The following TSPAN5 variants were observed in gnomAD, a reference collection of about 807,000 sequenced individuals.
TSPAN5 encodes tetraspanin-5.
TSPAN5 carries 10 observed loss-of-function variants against 37.1 expected under a neutral mutation model. That is an observed-to-expected ratio of 0.27 (90% confidence interval 0.17 to 0.46). TSPAN5 has a LOEUF of 0.46. Among genes scored for constraint, TSPAN5 ranks in the 20% least tolerant of loss-of-function variants. The pLI, the probability that TSPAN5 is intolerant of heterozygous loss-of-function variation, is 1.00. For missense variants in TSPAN5, 195 were observed against 326.6 expected (o/e 0.60, Z 3.11); for synonymous variants, 110 against 118.9 (o/e 0.93, Z 0.48).
At chr4:98,645,197 T>C (rs1425916546) in intron 1 of TSPAN5, among the ~76,000 whole-genome samples, 2 of 152,188 alleles carry the variant, frequency 1.3e-5, no homozygotes, top group African/African-American at 4.8e-5. Context: ...CTTGCTACAC[T>C]TGTTAACCTC....
intron 1 of TSPAN5, among the ~76,000 whole-genome samples, chr4:98,578,195 C>A (rs1755286894): frequency 6.6e-6 from 1 of 152,184 alleles, no homozygotes; most frequent in Admixed American, 6.5e-5. Flanking sequence ...AGAACCTCCC[C>A]TTGAGACATG....
intron 2 of TSPAN5, among the ~76,000 whole-genome samples, chr4:98,495,965 T>G (rs1753202518): frequency 6.6e-6 from 1 of 152,186 alleles, no homozygotes; most frequent in Non-Finnish European, 1.5e-5. Context: ...ATGAAATGTG[T>G]ACCCAAAGCT....
At chr4:98,509,521 A>G (rs1208248066) in intron 1 of TSPAN5, among the ~76,000 whole-genome samples, 1 of 152,208 alleles carries the variant, frequency 6.6e-6, no homozygotes, top group Admixed American at 6.5e-5. Flanking sequence ...AACACACAAT[A>G]CATTCTGAGC....
rs1757330637 is a variant in TSPAN5, at chr4:98,658,141, C to T, written c.81+5G>A. The T allele has an allele frequency of 6.2e-7, 1 of 1,612,986 alleles. No individual in the cohort carries two copies. Among genetic ancestry groups the T allele is most frequent in the South Asian group, 1.1e-5 (1 of 91,066 alleles). ...AGTTGGAATCCCAGGAGCGCTCCAACTTACCCAAAATATGACATTGAAGCC... is the reference window on the plus strand; with the variant it reads ...AGTTGGAATCCCAGGAGCGCTCCAATTTACCCAAAATATGACATTGAAGCC... On this transcript the variant is annotated splice_donor_5th_base_variant and intron_variant, in intron 1 of 7. Coordinates refer to ENST00000305798, the MANE Select transcript of TSPAN5 (RefSeq NM_005723.4).
At chr4:98,490,100 A>T (rs1753053164) in intron 2 of TSPAN5, among the ~76,000 whole-genome samples, 1 of 152,104 alleles carries the variant, frequency 6.6e-6, no homozygotes, top group African/African-American at 2.4e-5. Flanking sequence ...CCGTTCTATG[A>T]TTTCATCCAT....
chr4:98,649,277 C>T (rs1318586649), intron 1 of TSPAN5, among the ~76,000 whole-genome samples: 1 of 152,034 alleles, frequency 6.6e-6, no homozygotes, highest in Non-Finnish European at 1.5e-5. Flanking sequence ...CAGCACAGAC[C>T]CACCCACCCA....
At chr4:98,510,973 C>A (rs185155778) in intron 1 of TSPAN5, among the ~76,000 whole-genome samples, 4 of 152,172 alleles carry the variant, frequency 2.6e-5, no homozygotes, top group Non-Finnish European at 4.4e-5. Flanking sequence ...ACTTGAGGCA[C>A]ATTCAGTTTC....
intron 1 of TSPAN5, among the ~76,000 whole-genome samples, chr4:98,588,302 T>A (rs11940430): frequency 0.72 from 110,077 of 151,904 alleles, 40,387 homozygotes; most frequent in African/African-American, 0.84. Flanking sequence ...GGGTGGCCAG[T>A]AACAGAGACC....
intron 1 of TSPAN5, among the ~76,000 whole-genome samples, chr4:98,556,721 A>G (rs1754759378): frequency 6.6e-6 from 1 of 152,226 alleles, no homozygotes; most frequent in Admixed American, 6.5e-5. Context: ...ATGAAACTGA[A>G]AAAGTTTCTA....
At chr4:98,523,293 C>T (rs1034783756) in intron 1 of TSPAN5, among the ~76,000 whole-genome samples, 4 of 152,144 alleles carry the variant, frequency 2.6e-5, no homozygotes, top group African/African-American at 9.7e-5. Context: ...GGTTTAAAGA[C>T]ATCCATAACT....
At chr4:98,539,421 C>T (rs1560528995) in intron 1 of TSPAN5, among the ~76,000 whole-genome samples, 1 of 152,146 alleles carries the variant, frequency 6.6e-6, no homozygotes, top group African/African-American at 2.4e-5. Flanking sequence ...CCACATGCTT[C>T]TATCCACTCT....
chr4:98,611,620 C>T (rs1306656072), intron 1 of TSPAN5, among the ~76,000 whole-genome samples: 2 of 152,176 alleles, frequency 1.3e-5, no homozygotes, highest in Admixed American at 1.3e-4. Context: ...TAATAACACA[C>T]CAGGGGAGAA....
At chr4:98,605,447 T>C (rs1756010972) in intron 1 of TSPAN5, among the ~76,000 whole-genome samples, 1 of 152,136 alleles carries the variant, frequency 6.6e-6, no homozygotes, top group Non-Finnish European at 1.5e-5. Flanking sequence ...AGCAGAGACA[T>C]ACCTCTGCCC....
chr4:98,614,963 T>C (rs1329760226), intron 1 of TSPAN5, among the ~76,000 whole-genome samples: 1 of 152,168 alleles, frequency 6.6e-6, no homozygotes, highest in Non-Finnish European at 1.5e-5. Flanking sequence ...GCCAACAACA[T>C]AGGGCAACAT....
chr4:98,480,059 AC>A (rs1333923412), intron 4 of TSPAN5, among the ~76,000 whole-genome samples: 1 of 152,108 alleles, frequency 6.6e-6, no homozygotes, highest in African/African-American at 2.4e-5. Context: ...ACCCCCCTGG[AC>A]CCAGCTTTCA....
chr4:98,514,320 A>T lies in TSPAN5; in HGVS notation c.82-6592T>A, dbSNP rs571694807. Among the ~76,000 whole-genome samples the T allele has an allele frequency of 1.1e-4, 16 of 152,242 alleles. No homozygotes were observed. The East Asian group carries it at 2.5e-3, about 24-fold the overall frequency. On this transcript the variant is annotated intron_variant, in intron 1 of 7. Coordinates refer to ENST00000305798, the MANE Select transcript of TSPAN5 (RefSeq NM_005723.4). The stretch of plus-strand genomic sequence containing the variant: ...TTTCTGACACTTTAGTCTGAACAAC[A>T]CTCGTTTTAGCAGGGTCCACACAAA...
chr4:98,516,605 G>T (rs1305003324), intron 1 of TSPAN5, among the ~76,000 whole-genome samples: 2 of 152,192 alleles, frequency 1.3e-5, no homozygotes, highest in African/African-American at 4.8e-5. Context: ...CGGTTTGTCT[G>T]CCCTCACCAA....
chr4:98,486,545 G>A (rs1224444080), intron 3 of TSPAN5, 193 bp downstream of exon 3: 10 of 573,694 alleles, frequency 1.7e-5, no homozygotes, highest in Non-Finnish European at 2.8e-5. Context: ...TGGTGGGGGT[G>A]GTGTTGTACT....
At chr4:98,566,863 A>G (rs1222723518) in intron 1 of TSPAN5, among the ~76,000 whole-genome samples, 3 of 152,190 alleles carry the variant, frequency 2.0e-5, no homozygotes, top group Admixed American at 1.3e-4. Context: ...AAACCCCAAC[A>G]CAACACATTC....
Sources: allele counts gnomAD v4.1 joint callset (sites outside exome capture counted in the v4.1 genomes callset), GRCh38; gene constraint gnomAD v4.1.1; transcripts MANE v1.5; gene names NCBI Gene and HGNC (gene_info 2026-07-23, HGNC 2026-07-21).